Variants in NHEJ1 observed in about 807,000 individuals in gnomAD.
NHEJ1 encodes non-homologous end joining factor 1.
In NHEJ1, 22 loss-of-function variants were observed where a neutral mutation model predicts 39.4. That is an observed-to-expected ratio of 0.56 (90% CI 0.40 to 0.80). The LOEUF is 0.80. NHEJ1 is among the 30% of genes least tolerant of loss of function. The pLI is 0.00. For synonymous variants in NHEJ1, 154 were observed against 135.6 expected (o/e 1.14, Z -0.94); for missense variants, 329 against 357.1 (o/e 0.92, Z 0.63).
intron 5 of NHEJ1, among the ~76,000 whole-genome samples, chr2:219,107,439 G>C (rs573669773): frequency 6.6e-6 from 1 of 152,316 alleles, no homozygotes; most frequent in East Asian, 1.9e-4. Context: ...GGAAGAACTG[G>C]AATTCAAATC....
intron 5 of NHEJ1, among the ~76,000 whole-genome samples, chr2:219,088,352 G>A (rs1949130429): frequency 6.6e-6 from 1 of 152,130 alleles, no homozygotes; most frequent in African/African-American, 2.4e-5. Flanking sequence ...TTTCGGGCCA[G>A]GTGAGTGGCT....
At chr2:219,148,847 CTAGGAAGG>C (rs1033699441) in intron 3 of NHEJ1, among the ~76,000 whole-genome samples, 2 of 151,574 alleles carry the variant, frequency 1.3e-5, no homozygotes, top group African/African-American at 4.9e-5. Context: ...AAGAACTAGC[CTAGGAAGG>C]TATAAGCCAA....
intron 5 of NHEJ1, among the ~76,000 whole-genome samples, chr2:219,108,274 C>T (rs938133813): frequency 6.6e-6 from 1 of 152,202 alleles, no homozygotes; most frequent in Non-Finnish European, 1.5e-5. Flanking sequence ...GCTGAGTGTC[C>T]GTCCTTCCAC....
At chr2:219,094,812 T>C (rs757008197) in intron 5 of NHEJ1, among the ~76,000 whole-genome samples, 1 of 152,092 alleles carries the variant, frequency 6.6e-6, no homozygotes, top group Non-Finnish European at 1.5e-5. Flanking sequence ...AGGCTGACCC[T>C]ACGCAACAGA....
rs1246829244 is a variant in NHEJ1, at chr2:219,073,466, C to CT, written c.*2914dup. On this transcript the variant is annotated 3_prime_UTR_variant, in exon 8 of 8. Coordinates refer to ENST00000356853, the MANE Select transcript of NHEJ1 (RefSeq NM_024782.3). ...CACTGAGGCATGAGAAAAGGAGGTG[C>CT]TACCCAGCTAGAGTGGAAAGGGATG... Among the ~76,000 whole-genome samples the CT allele has an allele frequency of 1.3e-5, 2 of 152,180 alleles. No homozygotes were observed. Among genetic ancestry groups the CT allele is most frequent in the African/African-American group, 4.8e-5 (2 of 41,438 alleles).
At position 219,103,173 on chromosome 2, in the gene NHEJ1, GAA is replaced by G. The variant is rs201837950; in HGVS notation, c.589-24969_589-24968del. On this transcript the variant is annotated intron_variant, in intron 5 of 7. Coordinates refer to ENST00000356853, the MANE Select transcript of NHEJ1 (RefSeq NM_024782.3). ...TCTTTATAAAAAAAAGCAAAAACGG[GAA>G]AAAAAAAAAAACTGAAAACTGTTTT... is the stretch of plus-strand genomic sequence containing the variant. Among the ~76,000 whole-genome samples, 235 of 134,420 alleles carry G rather than the reference GAA, an allele frequency of 1.7e-3. 1 individual carries two copies. Among genetic ancestry groups the G allele is most frequent in the East Asian group, 0.016 (76 of 4,612 alleles). The allele number at this position is 134,420 out of a possible 152,430, so 88.2% of individuals were successfully genotyped here. A position where few individuals can be genotyped will look rare whatever the true frequency, so the allele number is the denominator to read the frequency against.
At chr2:219,080,566 T>C (rs960205834) in intron 5 of NHEJ1, among the ~76,000 whole-genome samples, 1 of 146,082 alleles carries the variant, frequency 6.8e-6, no homozygotes, top group Non-Finnish European at 1.5e-5. Context: ...TATATATATA[T>C]ATGCTTTTAT....
At chr2:219,136,654 G>A (rs1030657700) in intron 5 of NHEJ1, among the ~76,000 whole-genome samples, 3 of 152,096 alleles carry the variant, frequency 2.0e-5, no homozygotes, top group Non-Finnish European at 4.4e-5. Flanking sequence ...CCAGGCTGGA[G>A]TGCAGTGGCA....
intron 3 of NHEJ1, among the ~76,000 whole-genome samples, chr2:219,155,721 G>A (rs1350990715): frequency 6.6e-6 from 1 of 151,716 alleles, no homozygotes; most frequent in Non-Finnish European, 1.5e-5. Flanking sequence ...AGGAAATCGA[G>A]ACCATCCTGG....
At chr2:219,077,471 T>C in intron 6 of NHEJ1, 107 bp from the exon 7 acceptor site, 3 of 900,502 alleles carry the variant, frequency 3.3e-6, no homozygotes, top group Admixed American at 1.7e-5. Flanking sequence ...TTGGTACAAA[T>C]ATATAAGCAG....
At chr2:219,131,957 G>A (rs912529223) in intron 5 of NHEJ1, among the ~76,000 whole-genome samples, 3 of 152,220 alleles carry the variant, frequency 2.0e-5, no homozygotes, top group African/African-American at 4.8e-5. Context: ...ATACTGGACC[G>A]GAAGGTCAGA....
chr2:219,107,532 A>C (rs1242057609), intron 5 of NHEJ1, among the ~76,000 whole-genome samples: 1 of 152,238 alleles, frequency 6.6e-6, no homozygotes, highest in Non-Finnish European at 1.5e-5. Flanking sequence ...ATCAGGAAGA[A>C]GGTAAGCAGA....
At chr2:219,107,719 A>G (rs1403812248) in intron 5 of NHEJ1, among the ~76,000 whole-genome samples, 1 of 152,096 alleles carries the variant, frequency 6.6e-6, no homozygotes, top group Non-Finnish European at 1.5e-5. Context: ...CCCATACCAC[A>G]TGCCCTGCTC....
intron 5 of NHEJ1, among the ~76,000 whole-genome samples, chr2:219,133,663 C>T (rs527410602): frequency 1.3e-5 from 2 of 152,324 alleles, no homozygotes; most frequent in South Asian, 2.1e-4. Context: ...TCTGTCATAA[C>T]AGAAAGGTCA....
chr2:219,159,463 G>A (rs1055429359), intron 1 of NHEJ1: 1 of 149,036 alleles, frequency 6.7e-6, no homozygotes, highest in Non-Finnish European at 1.5e-5. Flanking sequence ...GATTAACACA[G>A]TCATTTCCCC....
At chr2:219,143,306 T>G (rs1011902531) in intron 5 of NHEJ1, among the ~76,000 whole-genome samples, 1 of 152,152 alleles carries the variant, frequency 6.6e-6, no homozygotes, top group Non-Finnish European at 1.5e-5. Context: ...AAAGATGCAG[T>G]AGTCATAAGA....
At chr2:219,076,515 A>G in intron 7 of NHEJ1, 60 bp from the exon 8 acceptor site, 1 of 1,500,254 alleles carries the variant, frequency 6.7e-7, no homozygotes, top group Admixed American at 1.7e-5. Context: ...GAAATTAGGA[A>G]AGGAACTTTC....
At chr2:219,113,439 T>C (rs1038138623) in intron 5 of NHEJ1, among the ~76,000 whole-genome samples, 3 of 152,202 alleles carry the variant, frequency 2.0e-5, no homozygotes, top group African/African-American at 7.2e-5. Flanking sequence ...GAATTCTGAT[T>C]CAATATATAT....
chr2:219,150,534 TG>T (rs1391770389), intron 3 of NHEJ1, among the ~76,000 whole-genome samples: 2 of 152,330 alleles, frequency 1.3e-5, no homozygotes, highest in Admixed American at 1.3e-4. Context: ...AATTTGGTCC[TG>T]CTGGGCGGGC....
Sources: gnomAD v4.1 joint callset for allele counts (sites outside exome capture counted in the v4.1 genomes callset) on GRCh38, gnomAD v4.1.1 for gene constraint, MANE v1.5 for transcripts, NCBI Gene and HGNC (gene_info 2026-07-23, HGNC 2026-07-21) for gene names.